Variants in RIN3 observed in about 807,000 individuals in gnomAD.
RIN3 encodes RAB5 interacting protein 3.
Under a neutral mutation model 76.3 loss-of-function variants are expected in RIN3, and 54 were observed. The observed-to-expected ratio is 0.71, with a 90% CI of 0.57 to 0.89. The LOEUF (loss-of-function observed/expected upper bound fraction) is 0.89, where lower values mean the gene tolerates loss of function less well. RIN3 is among the 40% of genes least tolerant of loss of function. The pLI is 0.00. For synonymous variants in RIN3, 576 were observed against 564.0 expected (o/e 1.02, Z -0.30); for missense variants, 1,256 against 1,322.1 (o/e 0.95, Z 0.78).
intron 1 of RIN3, among the ~76,000 whole-genome samples, chr14:92,545,799 A>T (rs1897248616): frequency 6.6e-6 from 1 of 151,768 alleles, no homozygotes; most frequent in Admixed American, 6.6e-5. Flanking sequence ...TTATCTCTTT[A>T]CCCCACATAC....
rs117135353 is a variant in RIN3, at chr14:92,667,708, C to A, written c.2335+8239C>A. On this transcript the variant is annotated intron_variant, in intron 7 of 9. Transcript: ENST00000216487. ...GCTGCTATTTGATGCTGGATAAGCC[C>A]TCTCATCTCTAACTCAATAGAAGTG... 2.8e-3 allele frequency among the ~76,000 whole-genome samples: 431 copies of A among 152,252 alleles called. 3 individuals carry two copies. Among genetic ancestry groups the A allele is most frequent in the Middle Eastern group, 0.027 (8 of 294 alleles).
At chr14:92,599,834 A>G (rs1241505269) in intron 3 of RIN3, among the ~76,000 whole-genome samples, 2 of 152,144 alleles carry the variant, frequency 1.3e-5, no homozygotes, top group African/African-American at 4.8e-5. Flanking sequence ...ATAGGGCTAT[A>G]CAACTCCCAT....
intron 1 of RIN3, among the ~76,000 whole-genome samples, chr14:92,547,626 A>G (rs868691362): frequency 2.6e-5 from 4 of 151,844 alleles, no homozygotes; most frequent in African/African-American, 7.2e-5. Context: ...AAACTCCTCA[A>G]CTGTAGCAGT....
Position 92,528,911 on chromosome 14 carries a change from T to G in RIN3, c.44+14935T>G, listed in dbSNP as rs1479202676. On this transcript the variant is annotated intron_variant, in intron 1 of 9. Coordinates refer to ENST00000216487, the MANE Select transcript of RIN3 (RefSeq NM_024832.5). ...ATGCAGCTGCCACAAGTAGCCCCTT[T>G]TCCTCCAAAATTTGTCCTCTGCCTC... 5.3e-5 allele frequency among the ~76,000 whole-genome samples: 8 copies of G among 152,286 alleles called. No individual in the cohort carries two copies. The East Asian group carries it at 1.5e-3, about 29-fold the overall frequency.
intron 7 of RIN3, among the ~76,000 whole-genome samples, chr14:92,666,972 T>G (rs1013054299): frequency 3.3e-5 from 5 of 151,990 alleles, no homozygotes; most frequent in African/African-American, 1.2e-4. Flanking sequence ...GACCAGGTGG[T>G]GGGACGTGGG....
At chr14:92,590,143 T>G (rs1176345561) in intron 3 of RIN3, among the ~76,000 whole-genome samples, 1 of 152,144 alleles carries the variant, frequency 6.6e-6, no homozygotes, top group Non-Finnish European at 1.5e-5. Context: ...TTTTGTGAGT[T>G]TTACCACCAG....
At chr14:92,583,301 G>T (rs537135890) in intron 3 of RIN3, among the ~76,000 whole-genome samples, 17 of 152,348 alleles carry the variant, frequency 1.1e-4, no homozygotes, top group Admixed American at 1.1e-3. Context: ...TGCTCTGTTT[G>T]AAGAAGAAAC....
chr14:92,641,518 A>G (rs1887014955), intron 5 of RIN3, among the ~76,000 whole-genome samples, 189 bp downstream of exon 5: 1 of 152,180 alleles, frequency 6.6e-6, no homozygotes, highest in African/African-American at 2.4e-5. Flanking sequence ...AGTCGCCTCT[A>G]TCAGCTGCCC....
chr14:92,616,695 A>G (rs1349138485), intron 4 of RIN3, among the ~76,000 whole-genome samples: 1 of 152,036 alleles, frequency 6.6e-6, no homozygotes, highest in African/African-American at 2.4e-5. Context: ...TAGCTTCTTG[A>G]TGGGCAGGGT....
intron 3 of RIN3, among the ~76,000 whole-genome samples, chr14:92,608,824 C>A (rs1015159105): frequency 6.6e-6 from 1 of 152,084 alleles, no homozygotes; most frequent in Non-Finnish European, 1.5e-5. Flanking sequence ...TGTGAGCCAC[C>A]GTGCCCAGCC....
chr14:92,562,470 T>C (rs1255849679), intron 2 of RIN3, among the ~76,000 whole-genome samples: 1 of 152,252 alleles, frequency 6.6e-6, no homozygotes, highest in African/African-American at 2.4e-5. Flanking sequence ...GGAATTTGTC[T>C]GTACAAGAGA....
intron 1 of RIN3, among the ~76,000 whole-genome samples, chr14:92,540,676 C>T (rs1010590672): frequency 2.0e-5 from 3 of 152,224 alleles, no homozygotes; most frequent in South Asian, 2.1e-4. Flanking sequence ...GCTTCACACA[C>T]GTCTAGGAAG....
chr14:92,651,739 C>A lies in RIN3; in HGVS notation c.690C>A (p.Asp230Glu). Residue 230 changes from aspartate (D) to glutamate (E), a missense_variant, in exon 6 of 10, where the codon GAC (aspartate) becomes GAA (glutamate). By Grantham distance (45) the Asp-to-Glu change is conservative. This residue lies in a region of RIN3 where 610 missense variants were observed against 626.4 expected (regional missense o/e 0.97). Coordinates refer to ENST00000216487, the MANE Select transcript of RIN3 (RefSeq NM_024832.5). ...AAATCGAGCTGTCGGTAGGAAATGA[C>A]CGCCTGTGGTTTGTGAATCCTATTT... ...ACEIELSVGN[D>E]RLWFVNPIFI... 6.2e-7 allele frequency: 1 copy of A among 1,614,116 alleles called. No individual in the cohort carries two copies. Among genetic ancestry groups the A allele is most frequent in the Non-Finnish European group, 8.5e-7 (1 of 1,179,998 alleles).
In RIN3 at chr14:92,652,396, G is replaced by T. The variant is rs200561548; in HGVS notation, c.1347G>T (p.Leu449=). 4.3e-5 allele frequency: 70 copies of T among 1,612,590 alleles called. No homozygotes were observed. The East Asian group carries it at 1.5e-3, about 35-fold the overall frequency. Residue 449 remains leucine, a synonymous_variant, in exon 6 of 10, where the codon CTG becomes CTT. Transcript: ENST00000216487. This position sits in a 1 kb window ranked among gnomAD's most constrained non-coding sequence, Gnocchi z 6.4. ...GCGATCCTCACAGCATGCCAGAGCT[G>T]CCCAGGACAGCCAAACAACCCCCAG... ...KASDPHSMPE[L]PRTAKQPPVP...
At chr14:92,668,869 T>C (rs1888193887) in intron 7 of RIN3, among the ~76,000 whole-genome samples, 1 of 152,232 alleles carries the variant, frequency 6.6e-6, no homozygotes, top group South Asian at 2.1e-4. Context: ...AGGTACCCAT[T>C]ACTAAAGGTT....
intron 2 of RIN3, among the ~76,000 whole-genome samples, chr14:92,561,970 G>A (rs538287625): frequency 1.2e-3 from 177 of 152,310 alleles, no homozygotes; most frequent in African/African-American, 4.1e-3. Context: ...ACAGGCGTGA[G>A]CCACCATGCC....
chr14:92,547,059 AATTAT>A (rs1286201772), intron 1 of RIN3, among the ~76,000 whole-genome samples: 2 of 74,890 alleles, frequency 2.7e-5, no homozygotes, highest in African/African-American at 8.0e-5. Context: ...TAATAAAATA[AATTAT>A]ATTTTATTTT....
intron 2 of RIN3, among the ~76,000 whole-genome samples, chr14:92,574,054 G>T (rs1898142132): frequency 6.6e-6 from 1 of 152,214 alleles, no homozygotes; most frequent in South Asian, 2.1e-4. Flanking sequence ...CCATGAAGCA[G>T]TGTCGTTTGG....
rs1887504279 is a variant in RIN3, at chr14:92,652,626, A to G, written c.1577A>G (p.Glu526Gly). ...ACTGCCCATTCCCAGAGCTCTCCAG[A>G]GTTCAAGGGCTCCCTGGCCTCCCTC... ...QATAHSQSSP[E>G]FKGSLASLSD... The change falls in exon 6 of 10, where the codon GAG (glutamate) becomes GGG (glycine). Residue 526 changes from glutamate (E) to glycine (G), a missense_variant. Physicochemically the swap from Glu to Gly is moderately conservative, Grantham distance 98. Around this residue, in one of 3 missense-constraint regions of RIN3, gnomAD observed 428 missense variants for 521.2 expected, o/e 0.82. Transcript: ENST00000216487. The surrounding 1 kb of genome is among the most constrained non-coding windows in gnomAD (Gnocchi z 6.4). The G allele has an allele frequency of 6.2e-7, 1 of 1,611,102 alleles. No individual in the cohort carries two copies. The highest frequency in any genetic ancestry group is 1.1e-5 in the South Asian group (1 of 91,074).
Sources: allele counts gnomAD v4.1 joint callset (sites outside exome capture counted in the v4.1 genomes callset), GRCh38; gene constraint gnomAD v4.1.1; regional missense constraint gnomAD v4.1.1; non-coding constraint Gnocchi (gnomAD v3.1); transcripts MANE v1.5; gene names NCBI Gene and HGNC (gene_info 2026-07-23, HGNC 2026-07-21).